REEP1: variants seen among roughly 807,000 people sequenced by gnomAD.
The protein encoded by REEP1 is receptor expression-enhancing protein 1.
REEP1 carries 22 observed loss-of-function variants against 40.3 expected under a neutral mutation model. The observed-to-expected ratio is 0.55, with a 90% confidence interval of 0.39 to 0.78. The LOEUF is 0.78. Ranked by LOEUF, REEP1 falls within the 30% of genes least tolerant of loss-of-function variation. REEP1 has a pLI of 0.00. For synonymous variants in REEP1, 116 were observed against 139.2 expected, an observed-to-expected ratio of 0.83 and a Z score of 1.17; for missense variants, 280 against 361.1, an observed-to-expected ratio of 0.78 and a Z score of 1.82.
intron 5 of REEP1, among the ~76,000 whole-genome samples, chr2:86,239,118 G>A (rs1238366653): frequency 1.4e-5 from 2 of 139,302 alleles, no homozygotes; most frequent in Non-Finnish European, 3.0e-5. Context: ...TTAATTTTCA[G>A]TAACACCCAC....
chr2:86,228,928 T>A (rs1251574768), intron 6 of REEP1, among the ~76,000 whole-genome samples: 2 of 152,248 alleles, frequency 1.3e-5, no homozygotes, highest in African/African-American at 4.8e-5. Context: ...ATTTTTTACA[T>A]AAATTGTTAG....
At chr2:86,238,968 G>A (rs989043619) in intron 5 of REEP1, among the ~76,000 whole-genome samples, 1 of 152,082 alleles carries the variant, frequency 6.6e-6, no homozygotes, top group African/African-American at 2.4e-5. Flanking sequence ...CTGCAGAAAG[G>A]CTACGTGGTT....
Position 86,220,083 on chromosome 2 carries a change from A to G in REEP1, c.670T>C (p.Trp224Arg). ...GGGTTTTGGACCTGGTGGGGCTCCC[A>G]TGCCTTCATACCACCCTCATTCACA... ...GDVNEGGMKA[W>R]EPHQVQNPLA... The change falls in exon 8 of 9, where the codon TGG (tryptophan) becomes CGG (arginine). Residue 224 changes from tryptophan (W) to arginine (R), a missense_variant. Physicochemically the swap from Trp to Arg is moderately radical, Grantham distance 101. Transcript: ENST00000538924. 8.1e-7 allele frequency: 1 copy of G among 1,232,142 alleles called. No individual in the cohort carries two copies. Among genetic ancestry groups the G allele is most frequent in the African/African-American group, 1.5e-5 (1 of 64,528 alleles). 76.3% of individuals were successfully genotyped at this position (1,232,142 alleles called of 1,614,324 possible).
chr2:86,250,591 A>G (rs767565972), intron 5 of REEP1, among the ~76,000 whole-genome samples: 4 of 152,106 alleles, frequency 2.6e-5, no homozygotes, highest in South Asian at 2.1e-4. Flanking sequence ...GCCAGCAGCT[A>G]TTATAGTAAA....
rs72844637 is a variant in REEP1, at chr2:86,306,415, C to T, written c.33-24173G>A. Among the ~76,000 whole-genome samples, 604 of 152,284 alleles carry T rather than the reference C, an allele frequency of 4.0e-3. 7 individuals carry two copies. Among genetic ancestry groups the T allele is most frequent in the Non-Finnish European group, 6.9e-3 (470 of 68,018 alleles). Reference sequence around the variant, plus strand: ...TTTGAGTCAAGATAATCTAGCTCTCCATCCCACCCTTTTCTTGAAAAAGTA... The same window carrying T: ...TTTGAGTCAAGATAATCTAGCTCTCTATCCCACCCTTTTCTTGAAAAAGTA... On this transcript the variant is annotated intron_variant, in intron 1 of 8. Transcript: ENST00000538924.
chr2:86,232,850 G>A (rs777422549), intron 5 of REEP1, 48 bp from the exon 6 acceptor site: 15 of 1,569,134 alleles, frequency 9.6e-6, no homozygotes, highest in African/African-American at 2.7e-5. Flanking sequence ...TGCTCCACAG[G>A]TCACACTCGA....
chr2:86,244,068 G>A (rs1286785799), intron 5 of REEP1, among the ~76,000 whole-genome samples: 2 of 152,132 alleles, frequency 1.3e-5, no homozygotes, highest in African/African-American at 4.8e-5. Flanking sequence ...TTTATAAAAA[G>A]AAAATCAATG....
intron 1 of REEP1, among the ~76,000 whole-genome samples, chr2:86,283,714 G>A (rs769512635): frequency 3.9e-5 from 6 of 152,230 alleles, no homozygotes; most frequent in Non-Finnish European, 7.3e-5. Context: ...TACCTTGTGC[G>A]AAGTGCTTTA....
At chr2:86,290,348 T>A (rs1307408226) in intron 1 of REEP1, among the ~76,000 whole-genome samples, 1 of 152,178 alleles carries the variant, frequency 6.6e-6, no homozygotes, top group Non-Finnish European at 1.5e-5. Context: ...GCTGCATACC[T>A]GACTGTAGTG....
At chr2:86,280,589 T>C (rs911912914) in intron 2 of REEP1, among the ~76,000 whole-genome samples, 2 of 152,248 alleles carry the variant, frequency 1.3e-5, no homozygotes, top group African/African-American at 2.4e-5. Flanking sequence ...TGCTTTGCCC[T>C]GTGCCAAGTC....
At chr2:86,268,507 C>T (rs1470174716) in intron 2 of REEP1, among the ~76,000 whole-genome samples, 2 of 152,118 alleles carry the variant, frequency 1.3e-5, no homozygotes, top group African/African-American at 4.8e-5. Context: ...AGAAATATTT[C>T]ATGTTCATAT....
intron 1 of REEP1, chr2:86,297,673 C>T: frequency 2.0e-6 from 2 of 984,222 alleles, no homozygotes. Context: ...ACTTACTTTT[C>T]CAAGGTGGAT....
At chr2:86,334,134 G>A (rs75490990) in intron 1 of REEP1, among the ~76,000 whole-genome samples, 4,504 of 152,282 alleles carry the variant, frequency 0.03, 111 homozygotes, top group East Asian at 0.062. Context: ...GGGATAAAGC[G>A]GTTGTAAAGG....
intron 1 of REEP1, among the ~76,000 whole-genome samples, chr2:86,294,606 A>G (rs76783254): frequency 0.016 from 2,364 of 152,310 alleles, 64 homozygotes; most frequent in African/African-American, 0.053. Flanking sequence ...GTGAAAATTA[A>G]CAAGTAATGC....
intron 1 of REEP1, among the ~76,000 whole-genome samples, chr2:86,293,567 G>T (rs1273475066): frequency 6.6e-6 from 1 of 152,170 alleles, no homozygotes; most frequent in Non-Finnish European, 1.5e-5. Flanking sequence ...AGTAAAAAGG[G>T]TGAATTTCAC....
intron 7 of REEP1, among the ~76,000 whole-genome samples, chr2:86,220,915 A>C (rs1392009313): frequency 6.6e-6 from 1 of 152,222 alleles, no homozygotes; most frequent in East Asian, 1.9e-4. Flanking sequence ...ATTCCATGTC[A>C]TCTGCTAGGC....
chr2:86,312,381 A>G (rs545655883), intron 1 of REEP1, among the ~76,000 whole-genome samples: 6 of 152,052 alleles, frequency 3.9e-5, no homozygotes, highest in Non-Finnish European at 4.4e-5. Flanking sequence ...CTGCGTTTCA[A>G]CGATTCTTCC....
chr2:86,232,547 C>T lies in REEP1; in HGVS notation c.595+78G>A, dbSNP rs115656572. 537 of 1,537,424 alleles carry T rather than the reference C, an allele frequency of 3.5e-4. 1 individual carries two copies. In the African/African-American group the frequency reaches 6.5e-3, roughly 19 times the overall value. ...CGTGGGGCCAGGGCCAGGCTGCATG[C>T]CACACTGCGGACTGGGCCTCTCTCA... is the stretch of plus-strand genomic sequence containing the variant. On this transcript the variant is annotated intron_variant, in intron 6 of 8. Transcript: ENST00000538924.
intron 2 of REEP1, chr2:86,280,110 G>A (rs958400047): frequency 1.3e-5 from 6 of 449,740 alleles, no homozygotes; most frequent in East Asian, 1.4e-4. Flanking sequence ...AAGGAAACTC[G>A]CAGGTTTCTC....
Sources: allele counts gnomAD v4.1 joint callset (sites outside exome capture counted in the v4.1 genomes callset), GRCh38; gene constraint gnomAD v4.1.1; transcripts MANE v1.5; gene names NCBI Gene and HGNC (gene_info 2026-07-23, HGNC 2026-07-21).